The following THSD7B variants were observed in gnomAD, a reference collection of about 807,000 sequenced individuals.
THSD7B encodes the protein thrombospondin type 1 domain containing 7B.
A neutral mutation model predicts 213.6 loss-of-function variants in THSD7B; 138 were observed. The observed-to-expected ratio is 0.65, with a 90% confidence interval of 0.56 to 0.74. THSD7B has a LOEUF of 0.74. THSD7B is among the 30% of genes least tolerant of loss of function. THSD7B has a pLI of 0.00. For synonymous variants in THSD7B, 742 were observed against 687.0 expected (o/e 1.08, Z -1.25); for missense variants, 1,931 against 1,991.5 (o/e 0.97, Z 0.58).
At chr2:137,642,144 A>G (rs749962885) in intron 20 of THSD7B, 113 of 184,014 alleles carry the variant, frequency 6.1e-4, no homozygotes, top group Non-Finnish European at 1.0e-3. Context: ...ACACTACAGG[A>G]TGCCTTGATC....
chr2:137,181,324 T>C (rs1381187246), intron 7 of THSD7B, among the ~76,000 whole-genome samples: 1 of 152,092 alleles, frequency 6.6e-6, no homozygotes, highest in Non-Finnish European at 1.5e-5. Flanking sequence ...TAACACCATA[T>C]TGAGATGAGT....
intron 2 of THSD7B, among the ~76,000 whole-genome samples, chr2:136,946,723 C>T (rs577639099): frequency 6.6e-6 from 1 of 152,192 alleles, no homozygotes; most frequent in Non-Finnish European, 1.5e-5. Context: ...GCTGCTGCCT[C>T]GCAGGTTGAT....
At chr2:136,935,575 A>G (rs1684708512) in intron 2 of THSD7B, among the ~76,000 whole-genome samples, 1 of 152,144 alleles carries the variant, frequency 6.6e-6, no homozygotes, top group African/African-American at 2.4e-5. Flanking sequence ...AGGGGCAGAT[A>G]TTTTTAACTT....
At chr2:137,344,390 A>T (rs79341103) in intron 12 of THSD7B, among the ~76,000 whole-genome samples, 271 of 151,888 alleles carry the variant, frequency 1.8e-3, no homozygotes, top group African/African-American at 6.2e-3. Flanking sequence ...CAATCATGGA[A>T]GCATCAGACT....
chr2:137,101,324 G>A (rs1251186123), intron 4 of THSD7B, among the ~76,000 whole-genome samples: 2 of 152,194 alleles, frequency 1.3e-5, no homozygotes, highest in Admixed American at 1.3e-4. Flanking sequence ...TTACAGGCGT[G>A]AGCCACCATG....
chr2:137,212,189 A>G (rs1378016670), intron 7 of THSD7B, among the ~76,000 whole-genome samples: 1 of 152,064 alleles, frequency 6.6e-6, no homozygotes, highest in African/African-American at 2.4e-5. Context: ...CTTTGGCTTC[A>G]CTTACATTAG....
chr2:137,380,424 C>T (rs1236777204), intron 12 of THSD7B, among the ~76,000 whole-genome samples: 1 of 152,100 alleles, frequency 6.6e-6, no homozygotes, highest in Non-Finnish European at 1.5e-5. Flanking sequence ...TAGCTGTTCC[C>T]ACTCCCTTCT....
chr2:137,190,648 C>T (rs1202001322), intron 7 of THSD7B, among the ~76,000 whole-genome samples: 1 of 152,180 alleles, frequency 6.6e-6, no homozygotes, highest in African/African-American at 2.4e-5. Context: ...ACAGTAACAA[C>T]TTCAGTGCTG....
intron 2 of THSD7B, among the ~76,000 whole-genome samples, chr2:136,890,720 C>T (rs112485609): frequency 0.36 from 53,685 of 148,432 alleles, 11,035 homozygotes; most frequent in East Asian, 0.97. Flanking sequence ...TTTGTATTTT[C>T]AGTAGAGACA....
chr2:137,588,051 G>A (rs990828405), intron 17 of THSD7B, among the ~76,000 whole-genome samples: 2 of 152,298 alleles, frequency 1.3e-5, no homozygotes, highest in East Asian at 3.9e-4. Context: ...CCCTCCCCCA[G>A]CCTGGCTGCC....
rs763193017 is a variant in THSD7B, at chr2:137,451,004, A to G, written c.3119A>G (p.Lys1040Arg). The change falls in exon 15 of 28, where the codon AAA becomes AGA. Residue 1040 changes from lysine to arginine, a missense_variant. Transcript: ENST00000409968. ...KPYNGGRPCP[K>R]LDLKNQVHEA... ...TACAATGGAGGACGACCATGTCCCAAACTGGATCTCAAGAATCAGGTAAAG... is the reference window on the plus strand; with the variant it reads ...TACAATGGAGGACGACCATGTCCCAGACTGGATCTCAAGAATCAGGTAAAG... 2 of 1,600,434 alleles carry G rather than the reference A, an allele frequency of 1.2e-6. No homozygotes were observed. Among genetic ancestry groups the G allele is most frequent in the Non-Finnish European group, 1.7e-6 (2 of 1,173,498 alleles).
intron 2 of THSD7B, among the ~76,000 whole-genome samples, chr2:137,054,933 C>G: frequency 6.6e-6 from 1 of 150,448 alleles, no homozygotes; most frequent in South Asian, 2.1e-4. Context: ...CCCACCCTTG[C>G]CCCCCATACC....
intron 3 of THSD7B, among the ~76,000 whole-genome samples, chr2:137,072,012 C>A (rs1321642210): frequency 3.3e-5 from 5 of 152,120 alleles, no homozygotes; most frequent in Admixed American, 1.3e-4. Context: ...TTACTGTAGC[C>A]TTGTAGTATA....
intron 17 of THSD7B, among the ~76,000 whole-genome samples, chr2:137,583,258 A>T (rs1230932726): frequency 4.6e-5 from 7 of 152,042 alleles, no homozygotes; most frequent in Admixed American, 4.6e-4. Context: ...AGATGAGTAG[A>T]TTGCAAAAAT....
At chr2:137,425,619 A>G (rs1163435511) in intron 14 of THSD7B, among the ~76,000 whole-genome samples, 1 of 152,172 alleles carries the variant, frequency 6.6e-6, no homozygotes, top group African/African-American at 2.4e-5. Flanking sequence ...TGGTATACAC[A>G]AGGATGATGG....
intron 12 of THSD7B, among the ~76,000 whole-genome samples, chr2:137,329,741 T>C (rs1573964586): frequency 2.0e-5 from 3 of 152,130 alleles, no homozygotes; most frequent in Admixed American, 2.0e-4. Flanking sequence ...TGCCTGACAA[T>C]GTAATAGGAA....
chr2:137,312,137 G>A (rs1408147747), intron 12 of THSD7B, among the ~76,000 whole-genome samples: 6 of 151,812 alleles, frequency 4.0e-5, no homozygotes, highest in African/African-American at 1.2e-4. Context: ...ATCTGGTCCT[G>A]GACTCTTTTT....
intron 1 of THSD7B, among the ~76,000 whole-genome samples, chr2:136,844,008 G>T (rs1682958688): frequency 6.6e-6 from 1 of 152,094 alleles, no homozygotes; most frequent in Non-Finnish European, 1.5e-5. Flanking sequence ...ACTATACTCT[G>T]AGAGGCCAGA....
intron 7 of THSD7B, among the ~76,000 whole-genome samples, chr2:137,181,068 G>C (rs1168073008): frequency 1.3e-5 from 2 of 152,170 alleles, no homozygotes; most frequent in Non-Finnish European, 2.9e-5. Flanking sequence ...GTTTAAGTTA[G>C]ATATATAGTA....
Sources: allele counts gnomAD v4.1 joint callset (sites outside exome capture counted in the v4.1 genomes callset), GRCh38; gene constraint gnomAD v4.1.1; transcripts MANE v1.5; gene names NCBI Gene and HGNC (gene_info 2026-07-23, HGNC 2026-07-21).